The following SPNS3 variants were observed in gnomAD, a reference collection of about 807,000 sequenced individuals.
SPNS3 encodes the protein protein spinster homolog 3.
SPNS3 carries 51 observed loss-of-function variants against 54.4 expected under a neutral mutation model. The observed-to-expected ratio is 0.94, with a 90% confidence interval of 0.75 to 1.18. SPNS3 has a LOEUF of 1.18. Among genes scored for constraint, SPNS3 ranks in the 50% most tolerant of loss-of-function variants. The pLI is 0.00. For synonymous variants in SPNS3, 309 were observed against 294.7 expected (o/e 1.05, Z -0.50); for missense variants, 669 against 677.4 (o/e 0.99, Z 0.14).
chr17:4,436,538 G>GGAGGATTGCTTGAGGCTGAAGCA (rs1567551147), intron 1 of SPNS3, among the ~76,000 whole-genome samples: 2 of 106,964 alleles, frequency 1.9e-5, no homozygotes, highest in Non-Finnish European at 4.8e-5. Flanking sequence ...AGGCTGAAGC[G>GGAGGATTGCTTGAGGCTGAAGCA]GGAGGATTGC....
intron 8 of SPNS3, among the ~76,000 whole-genome samples, chr17:4,477,652 C>T (rs746824013): frequency 4.7e-4 from 72 of 152,158 alleles, no homozygotes; most frequent in Non-Finnish European, 8.2e-4. Context: ...GGGCAGGGGC[C>T]GGAAGCCTCA....
intron 8 of SPNS3, among the ~76,000 whole-genome samples, chr17:4,474,473 G>A (rs1048554274): frequency 1.3e-5 from 2 of 152,136 alleles, no homozygotes; most frequent in Non-Finnish European, 2.9e-5. Flanking sequence ...CTCCCTTCTC[G>A]GTGGGCCCAG....
chr17:4,458,588 C>CCTTCCTTT (rs1413694695), intron 8 of SPNS3, among the ~76,000 whole-genome samples: 4,094 of 59,208 alleles, frequency 0.069, 392 homozygotes, highest in East Asian at 0.17. Context: ...TTCCTTCCCT[C>CCTTCCTTT]CTTTCTTTCT....
intron 8 of SPNS3, among the ~76,000 whole-genome samples, chr17:4,460,047 G>A (rs912289634): frequency 7.2e-5 from 11 of 152,056 alleles, no homozygotes; most frequent in South Asian, 6.2e-4. Context: ...GTGGATATTC[G>A]GGGGAACAGT....
At chr17:4,444,978 C>T in intron 2 of SPNS3, 54 bp from the exon 3 acceptor site, 2 of 1,563,386 alleles carry the variant, frequency 1.3e-6, no homozygotes, top group Non-Finnish European at 1.7e-6. Flanking sequence ...GCTGGGCCAT[C>T]TGCCCTGCCA....
chr17:4,476,363 C>T (rs1427414842), intron 8 of SPNS3, among the ~76,000 whole-genome samples: 1 of 152,180 alleles, frequency 6.6e-6, no homozygotes, highest in African/African-American at 2.4e-5. Flanking sequence ...GGCCGGGATC[C>T]ACCCTGTCCC....
At chr17:4,480,100 C>T (rs1972112736) in intron 9 of SPNS3, among the ~76,000 whole-genome samples, 1 of 152,196 alleles carries the variant, frequency 6.6e-6, no homozygotes, top group African/African-American at 2.4e-5. Context: ...AGATGTCTGC[C>T]CCTCCCCGGC....
rs763153698 is a variant in SPNS3, at chr17:4,486,315, C to A, written c.1267C>A (p.Leu423Ile). ...CCTGGGAGACGCTGGCAGCCCCTAT[C>A]TCACAGGACTTGTAAGACGTGTCTG... ...HILGDAGSPY[L>I]TGLISSVLRA... is the part of the protein sequence containing the mutation. Residue 423 changes from leucine (L) to isoleucine (I), a missense_variant, in exon 10 of 12, where the codon CTC (leucine) becomes ATC (isoleucine). By Grantham distance (5) the Leu-to-Ile change is conservative. Coordinates refer to ENST00000355530, the MANE Select transcript of SPNS3 (RefSeq NM_182538.5). This position sits in a 1 kb window ranked among gnomAD's most constrained non-coding sequence, Gnocchi z 5.5. 6.3e-7 allele frequency: 1 copy of A among 1,598,590 alleles called. No homozygotes were observed.
intron 8 of SPNS3, 95 bp downstream of exon 8, chr17:4,453,300 T>C: frequency 8.4e-7 from 1 of 1,196,804 alleles, no homozygotes; most frequent in South Asian, 1.4e-5. Context: ...TTATGTACAA[T>C]TATGTTGATC....
intron 8 of SPNS3, among the ~76,000 whole-genome samples, chr17:4,458,586 C>CTCCTTCCTTCCT (rs749391286): frequency 0.021 from 1,390 of 66,650 alleles, 65 homozygotes; most frequent in African/African-American, 0.068. Flanking sequence ...TCTTCCTTCC[C>CTCCTTCCTTCCT]TCCTTTCTTT....
chr17:4,474,907 G>T (rs140209947), intron 8 of SPNS3, among the ~76,000 whole-genome samples: 20 of 152,312 alleles, frequency 1.3e-4, no homozygotes, highest in African/African-American at 4.6e-4. Flanking sequence ...TAGTTGTGGC[G>T]TGTGAGTTCT....
At chr17:4,482,805 A>G (rs1038287587) in intron 9 of SPNS3, among the ~76,000 whole-genome samples, 2 of 152,122 alleles carry the variant, frequency 1.3e-5, no homozygotes, top group African/African-American at 4.8e-5. Context: ...CGCCCCACTC[A>G]GGATGGCCCA....
chr17:4,454,867 C>T (rs1337476971), intron 8 of SPNS3, among the ~76,000 whole-genome samples: 3 of 151,762 alleles, frequency 2.0e-5, no homozygotes, highest in African/African-American at 7.3e-5. Context: ...TCGTGATCCA[C>T]CCACCTCAGC....
chr17:4,473,176 G>A (rs981683508), intron 8 of SPNS3, among the ~76,000 whole-genome samples: 2 of 151,900 alleles, frequency 1.3e-5, no homozygotes, highest in African/African-American at 2.4e-5. Flanking sequence ...TTTTGCTTCT[G>A]TGTGGGAACT....
At chr17:4,473,077 C>T (rs1445734641) in intron 8 of SPNS3, among the ~76,000 whole-genome samples, 1 of 152,086 alleles carries the variant, frequency 6.6e-6, no homozygotes, top group Non-Finnish European at 1.5e-5. Context: ...GTGTGAGCCA[C>T]TGCGCCTGGC....
chr17:4,459,186 G>A (rs980035081), intron 8 of SPNS3, among the ~76,000 whole-genome samples: 7 of 151,994 alleles, frequency 4.6e-5, no homozygotes, highest in African/African-American at 1.2e-4. Flanking sequence ...TCTCAGTTAC[G>A]TACGTTCTGA....
At chr17:4,465,110 A>T (rs975960597) in intron 8 of SPNS3, among the ~76,000 whole-genome samples, 6 of 152,120 alleles carry the variant, frequency 3.9e-5, no homozygotes, top group African/African-American at 1.4e-4. Context: ...TCTCTTTTCC[A>T]CTTGGTGTTA....
intron 8 of SPNS3, 71 bp from the exon 9 acceptor site, chr17:4,478,501 G>A: frequency 7.2e-7 from 1 of 1,395,884 alleles, no homozygotes; most frequent in Non-Finnish European, 9.9e-7. Context: ...CCTCTCCACA[G>A]GTGGGAAGCA....
intron 8 of SPNS3, among the ~76,000 whole-genome samples, chr17:4,455,637 T>A (rs1184675342): frequency 6.6e-6 from 1 of 151,730 alleles, no homozygotes; most frequent in East Asian, 1.9e-4. Flanking sequence ...ATCTGAGCCC[T>A]GTAGGATGTC....
Sources: gnomAD v4.1 joint callset for allele counts (sites outside exome capture counted in the v4.1 genomes callset) on GRCh38, gnomAD v4.1.1 for gene constraint, Gnocchi (gnomAD v3.1) non-coding constraint, MANE v1.5 for transcripts, NCBI Gene and HGNC (gene_info 2026-07-23, HGNC 2026-07-21) for gene names.